VWC2L: variants seen among roughly 807,000 people sequenced by gnomAD.
The protein encoded by VWC2L is von Willebrand factor C domain-containing protein 2-like.
A neutral mutation model predicts 21.6 loss-of-function variants in VWC2L; 10 were observed. The observed-to-expected ratio is 0.46, with a 90% CI of 0.29 to 0.78. The LOEUF (loss-of-function observed/expected upper bound fraction) is 0.78, where lower values mean the gene tolerates loss of function less well. Among genes scored for constraint, VWC2L ranks in the 30% least tolerant of loss-of-function variants. VWC2L has a pLI of 0.10. For synonymous variants in VWC2L, 96 were observed against 94.3 expected (o/e 1.02, Z -0.10); for missense variants, 209 against 277.1 (o/e 0.75, Z 1.74).
At chr2:214,415,646 T>C (rs1702343756) in intron 2 of VWC2L, among the ~76,000 whole-genome samples, 1 of 152,118 alleles carries the variant, frequency 6.6e-6, no homozygotes, top group Admixed American at 6.6e-5. Context: ...CAACTGATCA[T>C]CATTAGCATA....
intron 2 of VWC2L, among the ~76,000 whole-genome samples, chr2:214,417,350 GA>G (rs1702372491): frequency 6.7e-6 from 1 of 149,322 alleles, no homozygotes; most frequent in Non-Finnish European, 1.5e-5. Flanking sequence ...AGAGAAGGGG[GA>G]AAAAGCAGGT....
chr2:214,524,922 C>T (rs1689304359), intron 3 of VWC2L, among the ~76,000 whole-genome samples: 1 of 114,982 alleles, frequency 8.7e-6, no homozygotes, highest in African/African-American at 2.7e-5. Flanking sequence ...GCCAAGGGCA[C>T]TTTGGCTGGC....
intron 3 of VWC2L, among the ~76,000 whole-genome samples, chr2:214,474,034 G>A (rs1043776491): frequency 6.6e-6 from 1 of 151,940 alleles, no homozygotes; most frequent in African/African-American, 2.4e-5. Flanking sequence ...TGTCATGGCA[G>A]TCTTACGATT....
chr2:214,566,037 T>C (rs1176513248), intron 3 of VWC2L, among the ~76,000 whole-genome samples: 1 of 152,196 alleles, frequency 6.6e-6, no homozygotes, highest in Non-Finnish European at 1.5e-5. Context: ...AACCTACTTT[T>C]AGGATTGCTG....
intron 3 of VWC2L, among the ~76,000 whole-genome samples, chr2:214,564,862 T>C (rs144573444): frequency 0.014 from 2,131 of 152,288 alleles, 18 homozygotes; most frequent in Middle Eastern, 0.027. Context: ...CCCTTTATCC[T>C]ACACATCTCC....
At position 214,439,173 on chromosome 2, in the gene VWC2L, T is replaced by C. The variant is rs548729766; in HGVS notation, c.520+2415T>C. 8.4e-4 allele frequency among the ~76,000 whole-genome samples: 128 copies of C among 152,140 alleles called. 1 individual carries two copies. Among genetic ancestry groups the C allele is most frequent in the African/African-American group, 2.9e-3 (121 of 41,568 alleles). On this transcript the variant is annotated intron_variant, in intron 3 of 3. Coordinates refer to ENST00000312504, the MANE Select transcript of VWC2L (RefSeq NM_001080500.4). ...ACCACCAGTGGTACCAATAATTTTATTGAGAAGACAGACTGAGTCCCAGGT... is the reference window on the plus strand; with the variant it reads ...ACCACCAGTGGTACCAATAATTTTACTGAGAAGACAGACTGAGTCCCAGGT...
intron 2 of VWC2L, among the ~76,000 whole-genome samples, chr2:214,417,266 C>G (rs964994489): frequency 2.0e-5 from 3 of 152,064 alleles, no homozygotes; most frequent in African/African-American, 7.2e-5. Context: ...ATACTGTAGA[C>G]GTACTTACAA....
chr2:214,443,710 G>A (rs1285940282), intron 3 of VWC2L, among the ~76,000 whole-genome samples: 4 of 152,126 alleles, frequency 2.6e-5, no homozygotes, highest in Admixed American at 6.6e-5. Context: ...AGCCTAAAAG[G>A]CCGGAGTTAT....
chr2:214,453,941 G>C (rs140876622), intron 3 of VWC2L, among the ~76,000 whole-genome samples: 1 of 151,898 alleles, frequency 6.6e-6, no homozygotes, highest in African/African-American at 2.4e-5. Context: ...GGCTGGTCTC[G>C]AACTCCTGAG....
intron 3 of VWC2L, among the ~76,000 whole-genome samples, chr2:214,569,275 T>G (rs1008320108): frequency 2.0e-5 from 3 of 152,078 alleles, no homozygotes; most frequent in Non-Finnish European, 2.9e-5. Context: ...ACCAATCATA[T>G]AGCAACCATG....
At chr2:214,535,698 ATACAGC>A (rs1169405024) in intron 3 of VWC2L, among the ~76,000 whole-genome samples, 1 of 152,096 alleles carries the variant, frequency 6.6e-6, no homozygotes, top group African/African-American at 2.4e-5. Context: ...CTCAGGCTGT[ATACAGC>A]TACAGAGTAC....
At chr2:214,575,476 G>A (rs1006171671) in intron 3 of VWC2L, among the ~76,000 whole-genome samples, 196 bp from the exon 4 acceptor site, 1 of 152,100 alleles carries the variant, frequency 6.6e-6, no homozygotes, top group Non-Finnish European at 1.5e-5. Flanking sequence ...ATATACACGG[G>A]AAATATGAGC....
intron 3 of VWC2L, among the ~76,000 whole-genome samples, chr2:214,498,214 A>G (rs961931964): frequency 6.6e-6 from 1 of 152,170 alleles, no homozygotes; most frequent in Non-Finnish European, 1.5e-5. Context: ...TAGATGTTTC[A>G]GAAGTGCTAG....
chr2:214,491,886 C>T (rs965907750), intron 3 of VWC2L, among the ~76,000 whole-genome samples: 3 of 152,146 alleles, frequency 2.0e-5, no homozygotes, highest in Non-Finnish European at 4.4e-5. Flanking sequence ...ACATTCTTCT[C>T]CCCCTTTTTC....
chr2:214,420,025 C>T (rs1012684852), intron 2 of VWC2L, among the ~76,000 whole-genome samples: 1 of 151,992 alleles, frequency 6.6e-6, no homozygotes, highest in African/African-American at 2.4e-5. Flanking sequence ...CGCCACTGCA[C>T]TCCAGCCTGG....
At chr2:214,509,588 G>A (rs1235380843) in intron 3 of VWC2L, among the ~76,000 whole-genome samples, 2 of 152,158 alleles carry the variant, frequency 1.3e-5, no homozygotes, top group East Asian at 1.9e-4. Flanking sequence ...CGGGAATGCA[G>A]CTGATTTGAA....
At chr2:214,479,191 C>A (rs149544115) in intron 3 of VWC2L, among the ~76,000 whole-genome samples, 253 of 152,272 alleles carry the variant, frequency 1.7e-3, no homozygotes, top group African/African-American at 5.9e-3. Flanking sequence ...ATTTTGTTAC[C>A]ATGATATCAT....
chr2:214,482,008 A>T (rs925721005), intron 3 of VWC2L, among the ~76,000 whole-genome samples: 2 of 152,162 alleles, frequency 1.3e-5, no homozygotes, highest in East Asian at 1.9e-4. Flanking sequence ...AAGCAAACCA[A>T]CCCCTGATTT....
chr2:214,552,669 G>A (rs1315796442), intron 3 of VWC2L, among the ~76,000 whole-genome samples: 1 of 152,138 alleles, frequency 6.6e-6, no homozygotes, highest in Non-Finnish European at 1.5e-5. Context: ...CGACTTAAAT[G>A]TTAGTTCCTT....
Sources: allele counts gnomAD v4.1 joint callset (sites outside exome capture counted in the v4.1 genomes callset), GRCh38; gene constraint gnomAD v4.1.1; transcripts MANE v1.5; gene names NCBI Gene and HGNC (gene_info 2026-07-23, HGNC 2026-07-21).